The following TSHZ2 variants were observed in gnomAD, a reference collection of about 807,000 sequenced individuals.
TSHZ2 encodes teashirt homolog 2.
A neutral mutation model predicts 74.4 loss-of-function variants in TSHZ2; 21 were observed. The observed-to-expected ratio is 0.28, with a 90% CI of 0.20 to 0.41. TSHZ2 has a LOEUF of 0.41. TSHZ2 is among the 10% of genes least tolerant of loss of function. TSHZ2 has a pLI of 1.00. For missense variants in TSHZ2, 1,244 were observed against 1,293.5 expected, an observed-to-expected ratio of 0.96 and a Z score of 0.59; for synonymous variants, 540 against 515.3, an observed-to-expected ratio of 1.05 and a Z score of -0.65.
chr20:53,351,090 G>A (rs574638218), intron 2 of TSHZ2, among the ~76,000 whole-genome samples: 3 of 152,328 alleles, frequency 2.0e-5, no homozygotes, highest in Admixed American at 6.5e-5. Context: ...CAATTCGTTA[G>A]GAAGAAGCAA....
At position 53,438,721 on chromosome 20, in the gene TSHZ2, G is replaced by A. The variant is rs149089105; in HGVS notation, c.*9-48423G>A. ...CACGCCTGTAATCCTAGCATTTTGGGAGGCCAAGGCAGGTGGATCATCTGA... is the reference window on the plus strand; with the variant it reads ...CACGCCTGTAATCCTAGCATTTTGGAAGGCCAAGGCAGGTGGATCATCTGA... On this transcript the variant is annotated intron_variant, in intron 2 of 2. Transcript: ENST00000371497. 2.4e-3 allele frequency among the ~76,000 whole-genome samples: 358 copies of A among 152,252 alleles called. 1 individual carries two copies. Among genetic ancestry groups the A allele is most frequent in the South Asian group, 0.012 (58 of 4,820 alleles).
chr20:53,417,241 GACACACACACACAC>G (rs56822266), intron 2 of TSHZ2, among the ~76,000 whole-genome samples: 7 of 138,046 alleles, frequency 5.1e-5, no homozygotes, highest in Non-Finnish European at 9.5e-5. Flanking sequence ...GACACACACA[GACACACACACACAC>G]ACACACACAC....
At chr20:53,321,940 C>T (rs1461141011) in intron 2 of TSHZ2, among the ~76,000 whole-genome samples, 4 of 152,018 alleles carry the variant, frequency 2.6e-5, no homozygotes, top group African/African-American at 7.2e-5. Flanking sequence ...ACAAGAGGGC[C>T]GCCATCCCCT....
At chr20:53,094,354 G>T (rs983507670) in intron 1 of TSHZ2, among the ~76,000 whole-genome samples, 1 of 151,922 alleles carries the variant, frequency 6.6e-6, no homozygotes, top group Non-Finnish European at 1.5e-5. Flanking sequence ...TTTACTTAAG[G>T]GCCCACTAAA....
At chr20:53,104,114 T>A (rs1363775224) in intron 1 of TSHZ2, among the ~76,000 whole-genome samples, 1 of 152,174 alleles carries the variant, frequency 6.6e-6, no homozygotes, top group African/African-American at 2.4e-5. Context: ...CATCGCGCTC[T>A]GCAGAGGTGC....
chr20:53,251,905 T>C (rs1025491250), intron 1 of TSHZ2, among the ~76,000 whole-genome samples: 93 of 152,240 alleles, frequency 6.1e-4, no homozygotes, highest in Non-Finnish European at 5.9e-5. Flanking sequence ...TAGCAGCATC[T>C]CCTGTATTCG....
At chr20:53,395,919 GTT>G (rs1982427889) in intron 2 of TSHZ2, among the ~76,000 whole-genome samples, 1 of 151,830 alleles carries the variant, frequency 6.6e-6, no homozygotes, top group South Asian at 2.1e-4. Context: ...ACATTGGAAA[GTT>G]TTAAGCGTGT....
rs144318984 is a variant in TSHZ2 at position 53,021,006 on chromosome 20, G to T, written c.40+47673G>T. 2.6e-5 allele frequency among the ~76,000 whole-genome samples: 4 copies of T among 152,236 alleles called. No homozygotes were observed. The East Asian group carries it at 7.7e-4, about 29-fold the overall frequency. ...AGGATAAGTGTGTGAATGAAGTAAG[G>T]CTTGTAAAGCACTTAGCATAGGTCT... On this transcript the variant is annotated intron_variant, in intron 1 of 2. Coordinates refer to ENST00000371497, the MANE Select transcript of TSHZ2 (RefSeq NM_173485.6).
intron 2 of TSHZ2, among the ~76,000 whole-genome samples, chr20:53,258,953 T>A (rs1399086731): frequency 6.6e-6 from 1 of 152,222 alleles, no homozygotes; most frequent in African/African-American, 2.4e-5. Flanking sequence ...TGGCTGTGTT[T>A]GTGTTCATCG....
intron 1 of TSHZ2, among the ~76,000 whole-genome samples, chr20:53,223,361 A>G (rs748615330): frequency 1.4e-4 from 21 of 152,168 alleles, no homozygotes; most frequent in Non-Finnish European, 2.8e-4. Flanking sequence ...AGCCAGACTC[A>G]AAAGGTTACT....
chr20:53,323,280 C>G (rs543543714), intron 2 of TSHZ2, among the ~76,000 whole-genome samples: 1 of 152,324 alleles, frequency 6.6e-6, no homozygotes, highest in African/African-American at 2.4e-5. Flanking sequence ...CCAAAACAGA[C>G]AGTACTCCGG....
intron 2 of TSHZ2, among the ~76,000 whole-genome samples, chr20:53,340,515 T>G (rs896384721): frequency 1.3e-5 from 2 of 152,196 alleles, no homozygotes; most frequent in Non-Finnish European, 1.5e-5. Context: ...AAAAAATTAT[T>G]GCACAATGTG....
At chr20:53,054,619 T>G (rs2123143759) in intron 1 of TSHZ2, among the ~76,000 whole-genome samples, 1 of 152,310 alleles carries the variant, frequency 6.6e-6, no homozygotes, top group South Asian at 2.1e-4. Flanking sequence ...AGATGTAGAT[T>G]GAGTCTTTGC....
intron 2 of TSHZ2, among the ~76,000 whole-genome samples, chr20:53,259,928 G>A (rs902230336): frequency 1.3e-5 from 2 of 152,180 alleles, no homozygotes; most frequent in African/African-American, 4.8e-5. Flanking sequence ...GAACAAAATA[G>A]CCTGGACAAA....
intron 2 of TSHZ2, among the ~76,000 whole-genome samples, chr20:53,468,688 CAAAAAAA>C (rs1158529552): frequency 0.021 from 1,344 of 65,406 alleles, 21 homozygotes; most frequent in Non-Finnish European, 0.021. Context: ...CATTACGAGA[CAAAAAAA>C]AAAAAAAAAA....
At chr20:53,185,991 TACTG>T (rs1988587902) in intron 1 of TSHZ2, among the ~76,000 whole-genome samples, 1 of 152,218 alleles carries the variant, frequency 6.6e-6, no homozygotes, top group Non-Finnish European at 1.5e-5. Flanking sequence ...GTGGATTTCT[TACTG>T]ACATAAAGAG....
chr20:53,466,775 G>C (rs1985576287), intron 2 of TSHZ2, among the ~76,000 whole-genome samples: 1 of 150,278 alleles, frequency 6.7e-6, no homozygotes, highest in African/African-American at 2.5e-5. Flanking sequence ...ATGTTGTCCT[G>C]ATCTGGATGT....
chr20:53,110,980 A>G (rs1297029776), intron 1 of TSHZ2, among the ~76,000 whole-genome samples: 1 of 152,204 alleles, frequency 6.6e-6, no homozygotes, highest in East Asian at 1.9e-4. Context: ...GGGTGGATCT[A>G]AATGGCAGTT....
intron 2 of TSHZ2, among the ~76,000 whole-genome samples, chr20:53,264,046 A>G (rs558582115): frequency 2.0e-5 from 3 of 152,286 alleles, no homozygotes; most frequent in South Asian, 4.1e-4. Flanking sequence ...TTCTTTTCAG[A>G]TTATATAAAT....
Sources: allele counts gnomAD v4.1 joint callset (sites outside exome capture counted in the v4.1 genomes callset), GRCh38; gene constraint gnomAD v4.1.1; transcripts MANE v1.5; gene names NCBI Gene and HGNC (gene_info 2026-07-23, HGNC 2026-07-21).